AXIN2: variants seen among roughly 807,000 people sequenced by gnomAD.
AXIN2 encodes axin 2, also known as axin-2.
Under a neutral mutation model 74.7 loss-of-function variants are expected in AXIN2, and 21 were observed. That is an observed-to-expected ratio of 0.28 (90% CI 0.20 to 0.40). The LOEUF is 0.40. AXIN2 is among the 10% of genes least tolerant of loss of function. The pLI is 1.00. For synonymous variants in AXIN2, 532 were observed against 454.9 expected (o/e 1.17, Z -2.16); for missense variants, 1,144 against 1,111.1 (o/e 1.03, Z -0.42).
chr17:65,553,853 G>A (rs987889694), intron 2 of AXIN2, among the ~76,000 whole-genome samples: 3 of 149,548 alleles, frequency 2.0e-5, no homozygotes, highest in African/African-American at 4.9e-5. Context: ...AAGGCGGGGG[G>A]GGGGGGAGGA....
rs1379791912 is a variant in AXIN2, at chr17:65,553,627, C to T, written c.816-3967G>A. Among the ~76,000 whole-genome samples, 3 of 152,052 alleles carry T rather than the reference C, an allele frequency of 2.0e-5. No homozygotes were observed. In the East Asian group the frequency reaches 5.8e-4, roughly 29 times the overall value. Reference sequence around the variant, plus strand: ...CCAACATAGAGGACTACTGTGTGACCAGTAATTAAAAATGGAATATACTGC... The same window carrying T: ...CCAACATAGAGGACTACTGTGTGACTAGTAATTAAAAATGGAATATACTGC... On this transcript the variant is annotated intron_variant, in intron 2 of 10. Coordinates refer to ENST00000307078, the MANE Select transcript of AXIN2 (RefSeq NM_004655.4).
Position 65,529,091 on chromosome 17 carries a change from CA to C in AXIN2, c.*884del, listed in dbSNP as rs201318005. Reference sequence around the variant, plus strand: ...GACTAATGTAAAACAAAAACAGAAACAAAAAAAACAAGGAACTGTCATTTCC... The same window carrying C: ...GACTAATGTAAAACAAAAACAGAAACAAAAAAACAAGGAACTGTCATTTCC... On this transcript the variant is annotated 3_prime_UTR_variant, in exon 11 of 11. Transcript: ENST00000307078. 0.011 allele frequency: 2,627 copies of C among 233,770 alleles called. 33 individuals carry two copies. Among genetic ancestry groups the C allele is most frequent in the African/African-American group, 0.034 (1,536 of 45,252 alleles). 14.5% of individuals were successfully genotyped at this position (233,770 alleles called of 1,614,324 possible).
In AXIN2 at chr17:65,534,044, G is replaced by A. The variant is rs777885192; in HGVS notation, c.2273C>T (p.Ala758Val). The change falls in exon 10 of 11, where the codon GCG becomes GTG. Residue 758 changes from alanine (A) to valine (V), a missense_variant. Physicochemically the swap from Ala to Val is moderately conservative, Grantham distance 64. This residue lies in a region of AXIN2 where 1,053 missense variants were observed against 973.5 expected (regional missense o/e 1.08). Transcript: ENST00000307078. ...KEPKKLAGVH[A>V]LQASELVVTY... ...GACAACCAACTCACTGGCCTGGAGC[G>A]CGTGGACACCTGCCAGTTTCTTTGG... The A allele has an allele frequency of 9.9e-6, 16 of 1,614,218 alleles. No individual in the cohort carries two copies. In the East Asian group the frequency reaches 1.6e-4, roughly 16 times the overall value.
At chr17:65,552,943 G>A (rs1288898167) in intron 2 of AXIN2, among the ~76,000 whole-genome samples, 2 of 152,010 alleles carry the variant, frequency 1.3e-5, no homozygotes, top group African/African-American at 2.4e-5. Context: ...CAGGAGAATC[G>A]CTTGAACCCG....
intron 3 of AXIN2, among the ~76,000 whole-genome samples, chr17:65,548,115 A>G (rs146735150): frequency 1.3e-5 from 2 of 152,348 alleles, no homozygotes; most frequent in East Asian, 1.9e-4. Flanking sequence ...GAAACTTCTC[A>G]TATCTCCATA....
rs769237631 is a variant in AXIN2, at chr17:65,538,390, G to T, written c.1060-47C>A. The T allele has an allele frequency of 1.5e-5, 24 of 1,610,622 alleles. 1 individual carries two copies. In the South Asian group the frequency reaches 2.4e-4, roughly 16 times the overall value. On this transcript the variant is annotated intron_variant, in intron 4 of 10. Coordinates refer to ENST00000307078, the MANE Select transcript of AXIN2 (RefSeq NM_004655.4). ...GGGAGGAGGCACGTTCAGCAGGCTA[G>T]GTGGGCGGTGGCTTGGCCGGAGCTT...
In AXIN2 at chr17:65,537,631, G is replaced by A. The variant is rs1266538607; in HGVS notation, c.1405C>T (p.His469Tyr). Residue 469 changes from histidine (H) to tyrosine (Y), a missense_variant, in exon 6 of 11, where the codon CAC becomes TAC. Transcript: ENST00000307078. ...TACTGCGAATGGTGGTGGTGGTGGT[G>A]GTCCGGGGAGCGGGAGCGGGGGCTA... The part of the protein sequence containing the change: ...RYSPRSRSPD[H>Y]HHHHHSQYHS... The A allele has an allele frequency of 1.3e-6, 2 of 1,588,572 alleles. No individual in the cohort carries two copies. Among genetic ancestry groups the A allele is most frequent in the Non-Finnish European group, 1.7e-6 (2 of 1,169,796 alleles).
At chr17:65,555,042 C>A (rs2044247665) in intron 2 of AXIN2, among the ~76,000 whole-genome samples, 1 of 152,186 alleles carries the variant, frequency 6.6e-6, no homozygotes, top group Non-Finnish European at 1.5e-5. Flanking sequence ...CAGAGTCCTG[C>A]CCTCTGAGGA....
intron 3 of AXIN2, among the ~76,000 whole-genome samples, chr17:65,544,658 A>G (rs2044092799): frequency 6.6e-6 from 1 of 152,162 alleles, no homozygotes; most frequent in African/African-American, 2.4e-5. Flanking sequence ...TGTGGGCTGG[A>G]GAGCACCAGA....
intron 2 of AXIN2, among the ~76,000 whole-genome samples, chr17:65,556,629 T>A (rs4791169): frequency 1.3e-5 from 2 of 152,086 alleles, no homozygotes; most frequent in Non-Finnish European, 2.9e-5. Context: ...CAACTCTCTC[T>A]GCCGCCCCTA....
At position 65,536,870 on chromosome 17, in the gene AXIN2, T is replaced by C. The variant is rs745616808; in HGVS notation, c.1906A>G (p.Ser636Gly). The C allele has an allele frequency of 1.8e-5, 29 of 1,613,000 alleles. No homozygotes were observed. The highest frequency in any genetic ancestry group is 2.3e-5 in the Non-Finnish European group (27 of 1,179,910). The change falls in exon 7 of 11, where the codon AGT (serine) becomes GGT (glycine). Residue 636 changes from serine (S) to glycine (G), a missense_variant and splice_region_variant. Around this residue, in one of 4 missense-constraint regions of AXIN2, gnomAD observed 1,053 missense variants for 973.5 expected, o/e 1.08. Coordinates refer to ENST00000307078, the MANE Select transcript of AXIN2 (RefSeq NM_004655.4). ...GCGGCGGCGGCAAGCGGTGTTTACC[T>C]ATGGGGCTTGGGCTTGCTCTGCCGC... is the stretch of plus-strand genomic sequence containing the variant. ...SERQSKPKPH[S>G]AQSTKKAYPL...
chr17:65,550,886 G>A lies in AXIN2; in HGVS notation c.816-1226C>T, dbSNP rs578196427. ...CATACTGTGGGGGTGTCATGAGGGA[G>A]GTACGCTCAGTGTTATCACAGGCTC... On this transcript the variant is annotated intron_variant, in intron 2 of 10. Transcript: ENST00000307078. Among the ~76,000 whole-genome samples, 5 of 151,984 alleles carry A rather than the reference G, an allele frequency of 3.3e-5. No homozygotes were observed. In the East Asian group the frequency reaches 9.7e-4, roughly 29 times the overall value.
At position 65,529,982 on chromosome 17, in the gene AXIN2, G is replaced by A. The variant is rs1468245462; in HGVS notation, c.2526C>T (p.Ile842=). 5.6e-6 allele frequency: 9 copies of A among 1,614,002 alleles called. No homozygotes were observed. The highest frequency in any genetic ancestry group is 2.2e-5 in the South Asian group (2 of 91,082). Residue 842 remains isoleucine (I), a synonymous_variant, in exon 11 of 11, where the codon ATC becomes ATT. Coordinates refer to ENST00000307078, the MANE Select transcript of AXIN2 (RefSeq NM_004655.4). ...CAAAGCCAGACCCCAGGGCTCAATC[G>A]ATCCGCTCCACTTTGCCCAGAATCC... ...EGRILGKVER[I]D is the part of the protein sequence containing the mutation.
At chr17:65,549,740 A>G (rs1423767499) in intron 2 of AXIN2, 80 bp from the exon 3 acceptor site, 2 of 1,526,468 alleles carry the variant, frequency 1.3e-6, no homozygotes, top group Non-Finnish European at 8.9e-7. Context: ...AGGACAACCC[A>G]GCACACTATC....
chr17:65,558,762 T>C (rs2044316631), intron 1 of AXIN2, 26 bp from the exon 2 acceptor site: 1 of 854,986 alleles, frequency 1.2e-6, no homozygotes, highest in East Asian at 2.7e-5. Flanking sequence ...AGGGGGGAGG[T>C]GGGGAGAGAG....
chr17:65,543,385 G>A (rs575236826), intron 3 of AXIN2, among the ~76,000 whole-genome samples: 1 of 152,308 alleles, frequency 6.6e-6, no homozygotes, highest in South Asian at 2.1e-4. Flanking sequence ...ACCTTGGGTA[G>A]CTGAAAACGG....
chr17:65,548,565 G>GA (rs1315726060), intron 3 of AXIN2, among the ~76,000 whole-genome samples: 1 of 152,190 alleles, frequency 6.6e-6, no homozygotes, highest in African/African-American at 2.4e-5. Context: ...CTGGAACAAT[G>GA]AATCTCAACC....
chr17:65,536,687 CA>C (rs1165784448), intron 7 of AXIN2, 134 bp from the exon 8 acceptor site: 10 of 1,378,558 alleles, frequency 7.3e-6, no homozygotes, highest in East Asian at 4.6e-5. Context: ...ATAACATGAA[CA>C]GGGGTCAGTG....
In AXIN2 at chr17:65,530,109, AG is replaced by A; in HGVS notation, c.2406-8del. The A allele has an allele frequency of 6.2e-7, 1 of 1,614,082 alleles. No individual in the cohort carries two copies. Among genetic ancestry groups the A allele is most frequent in the East Asian group, 2.2e-5 (1 of 44,890 alleles). ...TGCTTTTTTGAAGTAATACCTTAAA[AG>A]GAAAACCAAAAAAGCTTCTTGGTAA... On this transcript the variant is annotated splice_polypyrimidine_tract_variant and splice_region_variant and intron_variant, in intron 10 of 10. Coordinates refer to ENST00000307078, the MANE Select transcript of AXIN2 (RefSeq NM_004655.4).
Sources: gnomAD v4.1 joint callset for allele counts (sites outside exome capture counted in the v4.1 genomes callset) on GRCh38, gnomAD v4.1.1 for gene constraint, gnomAD v4.1.1 regional missense constraint, MANE v1.5 for transcripts, NCBI Gene and HGNC (gene_info 2026-07-23, HGNC 2026-07-21) for gene names.